The following EPHA3 variants were observed in gnomAD, a reference collection of about 807,000 sequenced individuals.
EPHA3 encodes the protein ephrin type-A receptor 3.
Under a neutral mutation model 107.1 loss-of-function variants are expected in EPHA3, and 42 were observed. That is an observed-to-expected ratio of 0.39 (90% CI 0.31 to 0.51). EPHA3 has a LOEUF of 0.51. Among genes scored for constraint, EPHA3 ranks in the 20% least tolerant of loss-of-function variants. EPHA3 has a pLI of 0.78. For missense variants in EPHA3, 1,183 were observed against 1,211.2 expected, an observed-to-expected ratio of 0.98 and a Z score of 0.35; for synonymous variants, 461 against 424.8, an observed-to-expected ratio of 1.09 and a Z score of -1.05.
intron 3 of EPHA3, among the ~76,000 whole-genome samples, chr3:89,232,235 T>C (rs1268584003): frequency 6.6e-6 from 1 of 152,098 alleles, no homozygotes; most frequent in Non-Finnish European, 1.5e-5. Flanking sequence ...TTAATTCACA[T>C]GTATATATTT....
chr3:89,352,880 G>A (rs1189205037), intron 5 of EPHA3, among the ~76,000 whole-genome samples: 1 of 134,908 alleles, frequency 7.4e-6, no homozygotes, highest in East Asian at 2.0e-4. Context: ...TCCAGCCTGG[G>A]CGACAGAGCA....
intron 6 of EPHA3, among the ~76,000 whole-genome samples, chr3:89,397,785 G>A (rs975248940): frequency 1.6e-4 from 24 of 152,094 alleles, no homozygotes; most frequent in African/African-American, 5.6e-4. Context: ...GTTTCTCCAC[G>A]TTGGTCAGGC....
chr3:89,433,284 T>A (rs765853204), intron 13 of EPHA3, among the ~76,000 whole-genome samples: 3 of 151,296 alleles, frequency 2.0e-5, no homozygotes, highest in African/African-American at 4.9e-5. Context: ...ATTATCTAAT[T>A]TTAAAAGTTT....
Position 89,450,252 on chromosome 3 carries a change from C to T in EPHA3, c.2572C>T (p.Leu858=), listed in dbSNP as rs2107555098. 2 of 1,613,984 alleles carry T rather than the reference C, an allele frequency of 1.2e-6. No individual in the cohort carries two copies. The highest frequency in any genetic ancestry group is 1.7e-6 in the Non-Finnish European group (2 of 1,179,916). The change falls in exon 15 of 17, where the codon CTG becomes TTG. Residue 858 remains leucine (L), a synonymous_variant. Transcript: ENST00000336596. ...DCPAALYQLM[L]DCWQKDRNNR... ...CCCAGCTGCCTTGTATCAGCTGATG[C>T]TGGACTGCTGGCAGAAAGACAGGAA...
intron 5 of EPHA3, among the ~76,000 whole-genome samples, chr3:89,367,607 CG>C (rs1014301745): frequency 2.7e-5 from 4 of 150,694 alleles, no homozygotes; most frequent in African/African-American, 9.7e-5. Context: ...TTCTTAGCCT[CG>C]AAATTAAGAT....
intron 6 of EPHA3, 115 bp downstream of exon 6, chr3:89,396,076 G>C: frequency 7.2e-7 from 1 of 1,393,822 alleles, no homozygotes; most frequent in Non-Finnish European, 9.7e-7. Context: ...GCACTGTTTA[G>C]AACTGTGGCC....
At chr3:89,365,559 A>T (rs1179222391) in intron 5 of EPHA3, among the ~76,000 whole-genome samples, 1 of 150,728 alleles carries the variant, frequency 6.6e-6, no homozygotes, top group Non-Finnish European at 1.5e-5. Flanking sequence ...CAGACTTGGA[A>T]ACATAGACTA....
chr3:89,375,036 G>A (rs907023541), intron 5 of EPHA3, among the ~76,000 whole-genome samples: 5 of 151,692 alleles, frequency 3.3e-5, no homozygotes, highest in Non-Finnish European at 7.4e-5. Flanking sequence ...TAAGTTTGAG[G>A]CATCGACGTT....
At chr3:89,156,084 A>T (rs920052871) in intron 2 of EPHA3, among the ~76,000 whole-genome samples, 17 of 152,234 alleles carry the variant, frequency 1.1e-4, no homozygotes, top group Admixed American at 3.9e-4. Flanking sequence ...GTTGGGAAGA[A>T]GATACTGTTT....
At chr3:89,317,516 G>A (rs1389811950) in intron 3 of EPHA3, among the ~76,000 whole-genome samples, 1 of 151,678 alleles carries the variant, frequency 6.6e-6, no homozygotes, top group Non-Finnish European at 1.5e-5. Flanking sequence ...TTCCATTAAG[G>A]CCAGTCTTAA....
At chr3:89,374,863 C>T (rs1708373624) in intron 5 of EPHA3, among the ~76,000 whole-genome samples, 1 of 151,728 alleles carries the variant, frequency 6.6e-6, no homozygotes, top group East Asian at 1.9e-4. Flanking sequence ...TTAGAGTAGA[C>T]AGAAAAATAG....
intron 3 of EPHA3, among the ~76,000 whole-genome samples, chr3:89,287,033 A>C (rs796324005): frequency 2.2e-4 from 33 of 152,310 alleles, no homozygotes; most frequent in African/African-American, 7.7e-4. Context: ...CTATCTTTTC[A>C]TAGAACCTGA....
At chr3:89,475,838 G>A (rs1172881188) in intron 16 of EPHA3, among the ~76,000 whole-genome samples, 2 of 151,954 alleles carry the variant, frequency 1.3e-5, no homozygotes, top group Non-Finnish European at 1.5e-5. Flanking sequence ...GAACTTTTCC[G>A]CCACTCTTCT....
chr3:89,131,451 G>C (rs1369389445), intron 2 of EPHA3, among the ~76,000 whole-genome samples: 3 of 152,110 alleles, frequency 2.0e-5, no homozygotes, highest in Non-Finnish European at 4.4e-5. Flanking sequence ...TACTTAAATT[G>C]ATTGATTGAT....
At chr3:89,394,435 A>C (rs1386370994) in intron 5 of EPHA3, among the ~76,000 whole-genome samples, 1 of 152,216 alleles carries the variant, frequency 6.6e-6, no homozygotes, top group East Asian at 1.9e-4. Flanking sequence ...CATCATTCCC[A>C]GGCCAATCCA....
At chr3:89,441,667 T>C (rs1163745826) in intron 13 of EPHA3, among the ~76,000 whole-genome samples, 7 of 152,052 alleles carry the variant, frequency 4.6e-5, no homozygotes, top group Admixed American at 3.3e-4. Context: ...ACTCATGCAA[T>C]ATGAGCTTGA....
At position 89,479,544 on chromosome 3, in the gene EPHA3, G is replaced by A. The variant is rs2107581828; in HGVS notation, c.*42G>A. The A allele has an allele frequency of 6.8e-7, 1 of 1,476,908 alleles. No individual in the cohort carries two copies. The highest frequency in any genetic ancestry group is 9.5e-7 in the Non-Finnish European group (1 of 1,056,580). The allele number at this position is 1,476,908 out of a possible 1,614,324, so 91.5% of individuals were successfully genotyped here. On this transcript the variant is annotated 3_prime_UTR_variant, in exon 17 of 17. Transcript: ENST00000336596. ...GCTTCTGGACGGAAGTGGTGGCTGTGGAAGGCGTAGCATCATCCTGCAGAC... is the reference window on the plus strand; with the variant it reads ...GCTTCTGGACGGAAGTGGTGGCTGTAGAAGGCGTAGCATCATCCTGCAGAC...
chr3:89,378,615 CTG>C (rs980583848), intron 5 of EPHA3, among the ~76,000 whole-genome samples: 3 of 152,100 alleles, frequency 2.0e-5, no homozygotes, highest in African/African-American at 7.2e-5. Context: ...GTCTTCACAC[CTG>C]TGTTTGAGAA....
At chr3:89,446,681 A>G (rs1398711686) in intron 13 of EPHA3, among the ~76,000 whole-genome samples, 2 of 151,982 alleles carry the variant, frequency 1.3e-5, no homozygotes, top group Non-Finnish European at 2.9e-5. Context: ...TTCAGCATAG[A>G]AAGGGCTTTT....
Sources: allele counts gnomAD v4.1 joint callset (sites outside exome capture counted in the v4.1 genomes callset), GRCh38; gene constraint gnomAD v4.1.1; transcripts MANE v1.5; gene names NCBI Gene and HGNC (gene_info 2026-07-23, HGNC 2026-07-21).